Variants in CXADR observed in about 807,000 individuals in gnomAD.
CXADR encodes coxsackievirus and adenovirus receptor.
A neutral mutation model predicts 40.3 loss-of-function variants in CXADR; 20 were observed. The ratio of observed to expected loss-of-function variants is 0.50; its 90% CI spans 0.35 to 0.72. The LOEUF (loss-of-function observed/expected upper bound fraction) is 0.72. Among genes scored for constraint, CXADR ranks in the 30% least tolerant of loss-of-function variants. The pLI, the probability that CXADR is intolerant of heterozygous loss-of-function variation, is 0.01. For synonymous variants in CXADR, 150 were observed against 161.3 expected (o/e 0.93, Z 0.53); for missense variants, 332 against 449.1 (o/e 0.74, Z 2.36).
the CXADR span, among the ~76,000 whole-genome samples, chr21:17,605,288 T>C: frequency 6.6e-6 from 1 of 152,142 alleles, no homozygotes; most frequent in Non-Finnish European, 1.5e-5. Flanking sequence ...GCACGGAGTA[T>C]GAAAGTTGCA....
chr21:17,533,587 A>G (rs9979277), intron 1 of CXADR, among the ~76,000 whole-genome samples: 4,611 of 152,264 alleles, frequency 0.03, 189 homozygotes, highest in African/African-American at 0.089. Flanking sequence ...ACACGGATGC[A>G]TAATATTAGT....
At chr21:17,528,559 C>G (rs1283751540) in intron 1 of CXADR, among the ~76,000 whole-genome samples, 1 of 151,948 alleles carries the variant, frequency 6.6e-6, no homozygotes, top group Non-Finnish European at 1.5e-5. Context: ...GCATGCGCCA[C>G]CACGCCCAGC....
At chr21:17,548,421 C>T (rs1448313720) in intron 2 of CXADR, among the ~76,000 whole-genome samples, 1 of 152,166 alleles carries the variant, frequency 6.6e-6, no homozygotes, top group Non-Finnish European at 1.5e-5. Flanking sequence ...CAAAATAAAT[C>T]GGGCCTGACT....
Position 17,565,593 on chromosome 21 carries a change from G to A in CXADR, c.999G>A (p.Pro333=), listed in dbSNP as rs759177936. The change falls in exon 7 of 7, where the codon CCG becomes CCA. Residue 333 remains proline (P), a synonymous_variant. Transcript: ENST00000284878. ...ACTTTGAACGCACTCCTCAGAGTCC[G>A]ACTCTCCCACCTGCTAAGGTAGCTG... ...SEDFERTPQS[P]TLPPAKVAAP... The A allele has an allele frequency of 8.7e-6, 14 of 1,613,030 alleles. No homozygotes were observed. The highest frequency in any genetic ancestry group is 2.2e-5 in the East Asian group (1 of 44,868).
the CXADR span, among the ~76,000 whole-genome samples, chr21:17,611,306 T>A: frequency 6.6e-6 from 1 of 152,206 alleles, no homozygotes. Flanking sequence ...GTACTGAATC[T>A]TTTAACTAGA....
intron 4 of CXADR, among the ~76,000 whole-genome samples, chr21:17,559,694 G>A (rs447390): frequency 1.8e-5 from 2 of 109,238 alleles, no homozygotes; most frequent in African/African-American, 3.6e-5. Context: ...TTTTTTTTCC[G>A]AGACAAGGGG....
intron 1 of CXADR, among the ~76,000 whole-genome samples, chr21:17,538,278 G>A (rs1168694923): frequency 1.1e-4 from 16 of 152,104 alleles, no homozygotes; most frequent in Admixed American, 1.0e-3. Flanking sequence ...GGGATTACAG[G>A]TGTGAGCCAC....
At chr21:17,611,033 A>G in the CXADR span, among the ~76,000 whole-genome samples, 21 of 148,506 alleles carry the variant, frequency 1.4e-4, no homozygotes, top group South Asian at 4.1e-3. Context: ...CACCTTCTAC[A>G]GCCAGCTAGC....
Position 17,568,914 on chromosome 21 carries a change from G to T in CXADR, c.*3222G>T. 1 of 985,004 alleles carries T rather than the reference G, an allele frequency of 1.0e-6. No homozygotes were observed. Among genetic ancestry groups the T allele is most frequent in the African/African-American group, 1.7e-5 (1 of 57,278 alleles). 61.0% of individuals were successfully genotyped at this position (985,004 alleles called of 1,614,324 possible). A position where few individuals can be genotyped will look rare whatever the true frequency, so the allele number is the denominator to read the frequency against. ...GAAACACAGCCTGAGTGTATCTTAGGGAGAGTTTGATTGAAAAAATCCAAA... is the reference window on the plus strand; with the variant it reads ...GAAACACAGCCTGAGTGTATCTTAGTGAGAGTTTGATTGAAAAAATCCAAA... On this transcript the variant is annotated 3_prime_UTR_variant, in exon 7 of 7. Coordinates refer to ENST00000284878, the MANE Select transcript of CXADR (RefSeq NM_001338.5).
At chr21:17,628,878 T>G in the CXADR span, among the ~76,000 whole-genome samples, 1 of 152,210 alleles carries the variant, frequency 6.6e-6, no homozygotes, top group Admixed American at 6.5e-5. Flanking sequence ...CTTTTTGTTC[T>G]GCTGAGACCT....
chr21:17,578,144 A>G (rs211959), intron 7 of CXADR, among the ~76,000 whole-genome samples: 100,006 of 152,006 alleles, frequency 0.66, 34,112 homozygotes, highest in Non-Finnish European at 0.76. Flanking sequence ...CAAAAGATTG[A>G]TAGGATTGCT....
chr21:17,609,489 A>G, the CXADR span, among the ~76,000 whole-genome samples: 1 of 152,234 alleles, frequency 6.6e-6, no homozygotes, highest in Non-Finnish European at 1.5e-5. Flanking sequence ...GTGTGTGTCA[A>G]TATTTAGCTG....
chr21:17,595,803 C>T (rs986854736), downstream of CXADR, among the ~76,000 whole-genome samples: 2 of 151,932 alleles, frequency 1.3e-5, no homozygotes, highest in African/African-American at 4.8e-5. Flanking sequence ...ATATTTAATA[C>T]TTAGGAGTGG....
At chr21:17,525,137 A>C (rs1169132072) in intron 1 of CXADR, among the ~76,000 whole-genome samples, 1 of 152,212 alleles carries the variant, frequency 6.6e-6, no homozygotes, top group Non-Finnish European at 1.5e-5. Flanking sequence ...TTGGTGAGAA[A>C]AAGGATTAAC....
At chr21:17,573,085 G>T (rs1296119243), downstream of CXADR, among the ~76,000 whole-genome samples, 1 of 152,152 alleles carries the variant, frequency 6.6e-6, no homozygotes, top group East Asian at 1.9e-4. Flanking sequence ...CCTTCTGAGG[G>T]CTGTGAGGGA....
chr21:17,619,449 C>T, the CXADR span, among the ~76,000 whole-genome samples: 1 of 152,118 alleles, frequency 6.6e-6, no homozygotes, highest in Non-Finnish European at 1.5e-5. Context: ...TTTAGCTGGG[C>T]ATGGTGATGC....
chr21:17,635,510 A>C, the CXADR span, among the ~76,000 whole-genome samples: 1 of 152,166 alleles, frequency 6.6e-6, no homozygotes, highest in Non-Finnish European at 1.5e-5. Context: ...TCATTTCATT[A>C]TCACCTGGCC....
At chr21:17,585,900 TG>T (rs1308173010) in intron 7 of CXADR, among the ~76,000 whole-genome samples, 1 of 152,228 alleles carries the variant, frequency 6.6e-6, no homozygotes, top group Non-Finnish European at 1.5e-5. Context: ...ATAATAACTA[TG>T]ACATAATTCA....
chr21:17,528,068 CTTTTTTTT>C (rs35477813), intron 1 of CXADR, among the ~76,000 whole-genome samples: 1 of 78,352 alleles, frequency 1.3e-5, no homozygotes, highest in Non-Finnish European at 2.3e-5. Context: ...TTAGTTCTTT[CTTTTTTTT>C]TTTTTTTTTT....
Sources: gnomAD v4.1 joint callset for allele counts (sites outside exome capture counted in the v4.1 genomes callset) on GRCh38, gnomAD v4.1.1 for gene constraint, MANE v1.5 for transcripts, NCBI Gene and HGNC (gene_info 2026-07-23, HGNC 2026-07-21) for gene names.